CELF1: variants seen among roughly 807,000 people sequenced by gnomAD.
The protein encoded by CELF1 is CUGBP Elav-like family member 1, also known as 50 kDa nuclear polyadenylated RNA-binding protein.
A neutral mutation model predicts 61.8 loss-of-function variants in CELF1; 10 were observed. The observed-to-expected ratio is 0.16, with a 90% CI of 0.10 to 0.27. The LOEUF is 0.27. CELF1 is among the 10% of genes least tolerant of loss of function. The probability of loss-of-function intolerance (pLI) is 1.00; values close to 1 mark genes in which losing one functional copy is unlikely to be tolerated. For synonymous variants in CELF1, 236 were observed against 225.1 expected (o/e 1.05, Z -0.43); for missense variants, 380 against 639.1 (o/e 0.59, Z 4.37).
At chr11:47,492,331 A>C (rs1222069338) in intron 3 of CELF1, among the ~76,000 whole-genome samples, 1 of 152,076 alleles carries the variant, frequency 6.6e-6, no homozygotes, top group East Asian at 1.9e-4. Flanking sequence ...TTTTCCTGTA[A>C]TCTGTTAATT....
chr11:47,540,147 G>A (rs529238531), intron 1 of CELF1, among the ~76,000 whole-genome samples: 1 of 152,212 alleles, frequency 6.6e-6, no homozygotes, highest in East Asian at 1.9e-4. Context: ...TAAGCAGTAA[G>A]GCAGTTTCCA....
At chr11:47,538,748 T>TG (rs2096700303) in intron 1 of CELF1, among the ~76,000 whole-genome samples, 1 of 152,096 alleles carries the variant, frequency 6.6e-6, no homozygotes, top group Admixed American at 6.6e-5. Context: ...GAATAAAGTC[T>TG]TTCAACCTAA....
chr11:47,507,569 A>G (rs2094612066), intron 1 of CELF1, among the ~76,000 whole-genome samples: 1 of 152,220 alleles, frequency 6.6e-6, no homozygotes, highest in Admixed American at 6.5e-5. Flanking sequence ...TCTTGCAAGT[A>G]AAGACTGATT....
chr11:47,563,042 C>A (rs1211459562), intron 2 of CELF1, among the ~76,000 whole-genome samples: 1 of 151,784 alleles, frequency 6.6e-6, no homozygotes, highest in Non-Finnish European at 1.5e-5. Context: ...CATAGTGAGA[C>A]CCCATCGCTA....
intron 1 of CELF1, among the ~76,000 whole-genome samples, chr11:47,550,896 T>C (rs955519834): frequency 2.0e-5 from 3 of 152,088 alleles, no homozygotes; most frequent in African/African-American, 4.8e-5. Flanking sequence ...AGCAGAACAG[T>C]TGAGTGACTT....
chr11:47,509,071 C>T (rs964482916), intron 1 of CELF1, among the ~76,000 whole-genome samples: 7 of 152,076 alleles, frequency 4.6e-5, no homozygotes, highest in African/African-American at 1.7e-4. Flanking sequence ...TGCCCGGCCT[C>T]AAAAAAGTTA....
Position 47,477,388 on chromosome 11 carries a change from T to C in CELF1, c.882A>G (p.Leu294=). The change falls in exon 11 of 15, where the codon CTA becomes CTG. Residue 294 remains leucine (L), a synonymous_variant. Coordinates refer to ENST00000687097, the MANE Select transcript of CELF1 (RefSeq NM_001376376.1). ...TCTGAGCTGCACTAGCTGCAGCAGCTAGTGCAGCCAAATTCTGTAACTGCA... is the reference window on the plus strand; with the variant it reads ...TCTGAGCTGCACTAGCTGCAGCAGCCAGTGCAGCCAAATTCTGTAACTGCA... ...NAMQLQNLAA[L]AAAASAAQNT... 1.9e-6 allele frequency: 3 copies of C among 1,613,340 alleles called. No individual in the cohort carries two copies. The highest frequency in any genetic ancestry group is 2.5e-6 in the Non-Finnish European group (3 of 1,179,328).
chr11:47,501,050 A>G, intron 1 of CELF1, 118 bp from the exon 2 acceptor site: 1 of 396,412 alleles, frequency 2.5e-6, no homozygotes, highest in Non-Finnish European at 4.4e-6. Flanking sequence ...AACAATGGCT[A>G]ACATCTGTCT....
chr11:47,550,469 T>C (rs2097109672), intron 1 of CELF1, among the ~76,000 whole-genome samples: 1 of 152,028 alleles, frequency 6.6e-6, no homozygotes, highest in South Asian at 2.1e-4. Context: ...GGACAGGGTG[T>C]GCAGTGAGCA....
intron 1 of CELF1, among the ~76,000 whole-genome samples, chr11:47,502,548 T>C (rs558126867): frequency 5.3e-5 from 8 of 152,062 alleles, no homozygotes; most frequent in Non-Finnish European, 1.2e-4. Context: ...AATGTCTTAA[T>C]TAGTCCGGAC....
chr11:47,552,123 C>G (rs527709705), intron 1 of CELF1, among the ~76,000 whole-genome samples: 8 of 152,230 alleles, frequency 5.3e-5, no homozygotes, highest in African/African-American at 1.9e-4. Context: ...GTTATACAGC[C>G]TTTTTACTCG....
At chr11:47,542,887 C>T (rs1055777753) in intron 1 of CELF1, among the ~76,000 whole-genome samples, 2 of 152,132 alleles carry the variant, frequency 1.3e-5, no homozygotes, top group African/African-American at 4.8e-5. Context: ...AATCCCAACA[C>T]TTTGGGAGGC....
At chr11:47,517,465 A>C (rs1397152961) in intron 1 of CELF1, among the ~76,000 whole-genome samples, 1 of 152,206 alleles carries the variant, frequency 6.6e-6, no homozygotes. Flanking sequence ...ACAGAACACT[A>C]TGTAGCTATT....
chr11:47,499,334 T>A (rs1304393230), intron 3 of CELF1, 119 bp downstream of exon 3: 1 of 708,140 alleles, frequency 1.4e-6, no homozygotes, highest in African/African-American at 1.8e-5. Context: ...TCAGGTTGTT[T>A]TGGCTTCTTT....
intron 3 of CELF1, among the ~76,000 whole-genome samples, 165 bp from the exon 4 acceptor site, chr11:47,489,189 C>T (rs548909685): frequency 6.6e-6 from 1 of 151,618 alleles, no homozygotes; most frequent in Admixed American, 6.5e-5. Context: ...TTCTCCCTCA[C>T]CATGGCCACC....
Position 47,533,807 on chromosome 11 carries a change from CCCAAAAAA to C in CELF1, c.-154+19177_-154+19184del, listed in dbSNP as rs1196763165. ...CCTGGGCAATAGAGCGAGACTCTCC[CCCAAAAAA>C]AAAAAAAAAAAAAAAAGGAATATTT... is the stretch of plus-strand genomic sequence containing the variant. On this transcript the variant is annotated intron_variant, in intron 1 of 14. Coordinates refer to ENST00000687097, the MANE Select transcript of CELF1 (RefSeq NM_001376376.1). Among the ~76,000 whole-genome samples the C allele has an allele frequency of 1.0e-4, 7 of 67,612 alleles. No homozygotes were observed. The Admixed American group carries it at 1.0e-3, about 10-fold the overall frequency. 44.4% of individuals were successfully genotyped at this position (67,612 alleles called of 152,430 possible).
intron 1 of CELF1, among the ~76,000 whole-genome samples, chr11:47,547,594 G>A (rs765852476): frequency 5.4e-5 from 8 of 149,144 alleles, no homozygotes; most frequent in South Asian, 2.2e-4. Context: ...GCTTGAACCC[G>A]GGAGGCGGAG....
At chr11:47,511,387 T>A (rs923978530) in intron 1 of CELF1, among the ~76,000 whole-genome samples, 2 of 5,370 alleles carry the variant, frequency 3.7e-4, no homozygotes, top group Non-Finnish European at 9.0e-4. Context: ...GATGAAATAA[T>A]TCAAACAATA....
At chr11:47,497,542 C>T (rs1218562842) in intron 3 of CELF1, among the ~76,000 whole-genome samples, 1 of 152,210 alleles carries the variant, frequency 6.6e-6, no homozygotes, top group East Asian at 1.9e-4. Context: ...TGTTTAAAAT[C>T]GGGGCAATGG....
Sources: allele counts gnomAD v4.1 joint callset (sites outside exome capture counted in the v4.1 genomes callset), GRCh38; gene constraint gnomAD v4.1.1; transcripts MANE v1.5; gene names NCBI Gene and HGNC (gene_info 2026-07-23, HGNC 2026-07-21).